The following KCNIP3 variants were observed in gnomAD, a reference collection of about 807,000 sequenced individuals.
KCNIP3 encodes potassium voltage-gated channel interacting protein 3.
In KCNIP3, 28 loss-of-function variants were observed where a neutral mutation model predicts 35.0. The ratio of observed to expected loss-of-function variants is 0.80; its 90% CI spans 0.59 to 1.10. The LOEUF is 1.10. Ranked by LOEUF, KCNIP3 falls within the 50% of genes least tolerant of loss-of-function variation. The probability of loss-of-function intolerance (pLI) is 0.00; values close to 1 mark genes in which losing one functional copy is unlikely to be tolerated. For synonymous variants in KCNIP3, 134 were observed against 133.8 expected, an observed-to-expected ratio of 1.00 and a Z score of -0.01; for missense variants, 295 against 338.4, an observed-to-expected ratio of 0.87 and a Z score of 1.01.
intron 2 of KCNIP3, among the ~76,000 whole-genome samples, chr2:95,333,160 T>C (rs1678974406): frequency 6.6e-6 from 1 of 152,176 alleles, no homozygotes; most frequent in Non-Finnish European, 1.5e-5. Context: ...ACCAAACGAA[T>C]GCTCCCTTGC....
chr2:95,382,378 A>G lies in KCNIP3; in HGVS notation c.557A>G (p.Glu186Gly), dbSNP rs1327736440. The G allele has an allele frequency of 6.3e-7, 1 of 1,578,466 alleles. No individual in the cohort carries two copies. The highest frequency in any genetic ancestry group is 8.6e-7 in the Non-Finnish European group (1 of 1,161,414). ...INKDGYITKEEMLAIMKSIYD... is the reference protein window; with the variant it reads ...INKDGYITKEGMLAIMKSIYD... ...GCTCATGCCAGCCTCCCCCTCCAGG[A>G]GATGCTGGCCATCATGAAGTCCATC... The change falls in exon 7 of 9, where the codon GAG becomes GGG. Residue 186 changes from glutamate to glycine, a missense_variant and splice_region_variant. Transcript: ENST00000295225. This position sits in a 1 kb window ranked among gnomAD's most constrained non-coding sequence, Gnocchi z 4.5.
intron 2 of KCNIP3, among the ~76,000 whole-genome samples, chr2:95,315,386 G>C (rs1345212980): frequency 6.6e-6 from 1 of 152,154 alleles, no homozygotes; most frequent in Non-Finnish European, 1.5e-5. Context: ...GAGGTGCACA[G>C]AGGGGACCAC....
intron 5 of KCNIP3, among the ~76,000 whole-genome samples, chr2:95,375,491 G>A (rs1416070791): frequency 1.3e-5 from 2 of 152,100 alleles, no homozygotes; most frequent in African/African-American, 4.8e-5. Context: ...CACACGGGTG[G>A]TAGTGACCCA....
At chr2:95,339,594 A>AG (rs1679143902) in intron 2 of KCNIP3, among the ~76,000 whole-genome samples, 1 of 151,946 alleles carries the variant, frequency 6.6e-6, no homozygotes, top group South Asian at 2.1e-4. Flanking sequence ...AAAAAAAAAA[A>AG]GATTGAAAAT....
At chr2:95,360,834 G>A (rs1196722438) in intron 2 of KCNIP3, among the ~76,000 whole-genome samples, 2 of 152,230 alleles carry the variant, frequency 1.3e-5, no homozygotes, top group Non-Finnish European at 2.9e-5. Flanking sequence ...ATTCGTGAGG[G>A]TGGGGCCCTC....
intron 1 of KCNIP3, among the ~76,000 whole-genome samples, chr2:95,309,129 G>A (rs1056794923): frequency 1.3e-5 from 2 of 152,120 alleles, no homozygotes; most frequent in Admixed American, 1.3e-4. Context: ...TGGTCCAATG[G>A]GCCAGACCAC....
chr2:95,346,472 C>T (rs1447419439), intron 2 of KCNIP3, among the ~76,000 whole-genome samples: 3 of 150,292 alleles, frequency 2.0e-5, no homozygotes, highest in Non-Finnish European at 4.5e-5. Flanking sequence ...TCCCTCCGCC[C>T]TTCCCGGGCA....
In KCNIP3 at chr2:95,310,512, A is replaced by G. The variant is rs1573481055; in HGVS notation, c.173A>G (p.Gln58Arg). The G allele has an allele frequency of 1.5e-6, 2 of 1,336,708 alleles. No homozygotes were observed. Among genetic ancestry groups the G allele is most frequent in the Non-Finnish European group, 1.0e-6 (1 of 997,594 alleles). The allele number at this position is 1,336,708 out of a possible 1,614,324, so 82.8% of individuals were successfully genotyped here. A position where few individuals can be genotyped will look rare whatever the true frequency, so the allele number is the denominator to read the frequency against. Residue 58 changes from glutamine to arginine, a missense_variant, in exon 2 of 9, where the codon CAG becomes CGG. Gln to Arg is a conservative substitution (Grantham distance 43). Transcript: ENST00000295225. ...VKWILSSTAP[Q>R]GSDSSDSELE... ...TGGATCCTGTCCAGCACAGCCCCAC[A>G]GGGCTCAGGTAGGGGCCAGGGTGGG... is the stretch of plus-strand genomic sequence containing the variant.
chr2:95,342,084 C>T (rs923324934), intron 2 of KCNIP3, among the ~76,000 whole-genome samples: 32 of 152,022 alleles, frequency 2.1e-4, no homozygotes, highest in East Asian at 1.9e-4. Flanking sequence ...TCACAGTTCA[C>T]GGAAGAGCAT....
intron 1 of KCNIP3, among the ~76,000 whole-genome samples, chr2:95,309,406 G>A (rs1375614477): frequency 6.7e-6 from 1 of 149,132 alleles, no homozygotes; most frequent in East Asian, 2.0e-4. Context: ...GATCCACACC[G>A]ACTCAGGCAC....
intron 1 of KCNIP3, among the ~76,000 whole-genome samples, chr2:95,299,660 C>T (rs1044613832): frequency 4.6e-5 from 7 of 152,244 alleles, no homozygotes; most frequent in African/African-American, 7.2e-5. Flanking sequence ...GCTGCTGTCG[C>T]GGTGTTGAGG....
intron 5 of KCNIP3, 103 bp from the exon 6 acceptor site, chr2:95,381,493 G>T (rs1403835849): frequency 2.6e-6 from 2 of 783,476 alleles, no homozygotes; most frequent in Non-Finnish European, 4.4e-6. Flanking sequence ...GGGAGGCTCT[G>T]TGCCTGTTGG....
At position 95,360,405 on chromosome 2, in the gene KCNIP3, C is replaced by T. The variant is rs1679765541; in HGVS notation, c.182-13891C>T. On this transcript the variant is annotated intron_variant, in intron 2 of 8. Transcript: ENST00000295225. ...ATCTCCAGGAAGTTTCAGACTTTTC[C>T]TACAGCTCTTCTCATCTTCTGAGCC... Among the ~76,000 whole-genome samples, 3 of 152,154 alleles carry T rather than the reference C, an allele frequency of 2.0e-5. No individual in the cohort carries two copies. The South Asian group carries it at 6.2e-4, about 32-fold the overall frequency.
intron 2 of KCNIP3, among the ~76,000 whole-genome samples, chr2:95,364,701 C>T (rs1401979697): frequency 6.6e-6 from 1 of 152,170 alleles, no homozygotes; most frequent in African/African-American, 2.4e-5. Context: ...TGCTTCCATT[C>T]TTGCCACGTG....
intron 2 of KCNIP3, among the ~76,000 whole-genome samples, chr2:95,329,103 T>C (rs1213890285): frequency 6.6e-6 from 1 of 152,176 alleles, no homozygotes; most frequent in Non-Finnish European, 1.5e-5. Context: ...TAACATGGGC[T>C]GTGATGAGAG....
At chr2:95,338,644 AATT>A (rs1283615533) in intron 2 of KCNIP3, among the ~76,000 whole-genome samples, 1 of 152,182 alleles carries the variant, frequency 6.6e-6, no homozygotes, top group Admixed American at 6.5e-5. Context: ...CCCCCAATGA[AATT>A]AGACTTGATG....
At chr2:95,379,474 G>A (rs1157317228) in intron 5 of KCNIP3, among the ~76,000 whole-genome samples, 2 of 152,196 alleles carry the variant, frequency 1.3e-5, no homozygotes, top group African/African-American at 4.8e-5. Flanking sequence ...GGTGCCTCTG[G>A]GGCTTCCTCC....
chr2:95,365,737 T>C (rs1244955754), intron 2 of KCNIP3, among the ~76,000 whole-genome samples: 2 of 152,196 alleles, frequency 1.3e-5, no homozygotes, highest in African/African-American at 4.8e-5. Context: ...TTCATCCTAC[T>C]CTGTAGTTCA....
chr2:95,360,604 CA>C (rs1406182722), intron 2 of KCNIP3, among the ~76,000 whole-genome samples: 2 of 152,216 alleles, frequency 1.3e-5, no homozygotes, highest in African/African-American at 4.8e-5. Context: ...CAGAATACCA[CA>C]AACAGGGTAA....
Sources: allele counts gnomAD v4.1 joint callset (sites outside exome capture counted in the v4.1 genomes callset), GRCh38; gene constraint gnomAD v4.1.1; non-coding constraint Gnocchi (gnomAD v3.1); transcripts MANE v1.5; gene names NCBI Gene and HGNC (gene_info 2026-07-23, HGNC 2026-07-21).